FBXL13: variants seen among roughly 807,000 people sequenced by gnomAD.
The protein encoded by FBXL13 is F-box and leucine-rich repeat protein 13.
In FBXL13, 67 loss-of-function variants were observed where a neutral mutation model predicts 83.6. The ratio of observed to expected loss-of-function variants is 0.80; its 90% confidence interval spans 0.66 to 0.98. The LOEUF is 0.98. Among genes scored for constraint, FBXL13 ranks in the 50% least tolerant of loss-of-function variants. FBXL13 has a pLI of 0.00. For synonymous variants in FBXL13, 272 were observed against 299.5 expected, an observed-to-expected ratio of 0.91 and a Z score of 0.95; for missense variants, 822 against 866.5, an observed-to-expected ratio of 0.95 and a Z score of 0.64.
intron 1 of FBXL13, among the ~76,000 whole-genome samples, chr7:103,063,855 T>C (rs1165651804): frequency 1.3e-5 from 2 of 151,818 alleles, no homozygotes; most frequent in East Asian, 1.9e-4. Flanking sequence ...ATGTGGGGCC[T>C]AGGAAGGTCT....
At chr7:102,952,388 C>G (rs1266620677) in intron 8 of FBXL13, among the ~76,000 whole-genome samples, 3 of 151,942 alleles carry the variant, frequency 2.0e-5, no homozygotes, top group African/African-American at 7.3e-5. Context: ...AAAAAAGAAC[C>G]AAATGGTTGT....
chr7:102,917,255 A>G (rs957298657), intron 10 of FBXL13, among the ~76,000 whole-genome samples: 2 of 152,232 alleles, frequency 1.3e-5, no homozygotes, highest in African/African-American at 4.8e-5. Context: ...TGGTGAGACT[A>G]TAGATCATGA....
At chr7:102,916,888 A>T (rs1216886971) in intron 10 of FBXL13, among the ~76,000 whole-genome samples, 2 of 152,254 alleles carry the variant, frequency 1.3e-5, no homozygotes, top group African/African-American at 4.8e-5. Flanking sequence ...AGAAACTACA[A>T]AGATTTTTTT....
chr7:102,917,082 T>C (rs564550245), intron 10 of FBXL13, among the ~76,000 whole-genome samples: 1 of 152,202 alleles, frequency 6.6e-6, no homozygotes, highest in Non-Finnish European at 1.5e-5. Context: ...GTGGATTCTT[T>C]TGAGTTGAGT....
chr7:102,844,760 A>G (rs1803632453), intron 17 of FBXL13, among the ~76,000 whole-genome samples: 1 of 152,138 alleles, frequency 6.6e-6, no homozygotes, highest in African/African-American at 2.4e-5. Flanking sequence ...TAAGAGCCCA[A>G]TCCCAGTAGA....
At chr7:103,066,948 C>T (rs999927685) in intron 1 of FBXL13, among the ~76,000 whole-genome samples, 4 of 152,068 alleles carry the variant, frequency 2.6e-5, no homozygotes, top group African/African-American at 4.8e-5. Context: ...TGCGCCACCA[C>T]GCCCAGCTAA....
At chr7:103,046,793 T>C (rs1796327711) in intron 2 of FBXL13, 1 of 152,208 alleles carries the variant, frequency 6.6e-6, no homozygotes, top group South Asian at 2.1e-4. Context: ...GGAGAAACTT[T>C]CCTGGTTAGT....
At chr7:102,937,446 G>T (rs1225479143) in intron 8 of FBXL13, among the ~76,000 whole-genome samples, 1 of 144,866 alleles carries the variant, frequency 6.9e-6, no homozygotes, top group Non-Finnish European at 1.5e-5. Flanking sequence ...GGCAGAGGTT[G>T]CAGTGAGCTG....
At chr7:103,070,387 C>T (rs908518865) in intron 1 of FBXL13, among the ~76,000 whole-genome samples, 6 of 151,994 alleles carry the variant, frequency 3.9e-5, no homozygotes, top group Non-Finnish European at 7.4e-5. Context: ...GTGCACCACA[C>T]CTGGCAAATT....
rs921672123 is a variant in FBXL13, at chr7:103,045,063, C to G, written c.-1+10581G>C. On this transcript the variant is annotated intron_variant, in intron 2 of 19. Transcript: ENST00000313221. ...GCAGCCCCCAGAATCACAGCAGATT[C>G]AGAGAGACTCCAGTGCAGCCACATG... is the stretch of plus-strand genomic sequence containing the variant. Among the ~76,000 whole-genome samples the G allele has an allele frequency of 2.0e-5, 3 of 152,196 alleles. No homozygotes were observed. The East Asian group carries it at 5.8e-4, about 29-fold the overall frequency.
intron 6 of FBXL13, among the ~76,000 whole-genome samples, chr7:102,996,620 A>G (rs1288160502): frequency 6.6e-6 from 1 of 152,200 alleles, no homozygotes; most frequent in Non-Finnish European, 1.5e-5. Flanking sequence ...GCCTTGTGAC[A>G]AAGTTCTAAC....
intron 1 of FBXL13, among the ~76,000 whole-genome samples, chr7:103,065,040 G>T (rs1798261070): frequency 6.6e-6 from 1 of 152,152 alleles, no homozygotes; most frequent in South Asian, 2.1e-4. Flanking sequence ...TCCTGTTGTT[G>T]TAAGCCACCA....
intron 10 of FBXL13, among the ~76,000 whole-genome samples, chr7:102,915,951 A>C (rs569792969): frequency 5.7e-4 from 86 of 152,174 alleles, no homozygotes; most frequent in African/African-American, 2.0e-3. Flanking sequence ...CTACATTTCA[A>C]TTACAGTTAA....
intron 1 of FBXL13, among the ~76,000 whole-genome samples, chr7:103,060,029 T>C (rs188603042): frequency 8.4e-5 from 7 of 82,982 alleles, no homozygotes; most frequent in Admixed American, 7.0e-4. Flanking sequence ...TTTATATATA[T>C]ATATATATAT....
intron 6 of FBXL13, among the ~76,000 whole-genome samples, chr7:103,021,177 C>T (rs1467134761): frequency 1.3e-4 from 19 of 151,988 alleles, no homozygotes; most frequent in East Asian, 1.2e-3. Flanking sequence ...GAAATAATGC[C>T]GCATATCTAC....
intron 18 of FBXL13, among the ~76,000 whole-genome samples, chr7:102,830,389 C>CTG (rs2129447124): frequency 6.6e-6 from 1 of 152,288 alleles, no homozygotes; most frequent in East Asian, 1.9e-4. Flanking sequence ...GCCCATATGT[C>CTG]TGTGTGCTAT....
At chr7:102,939,887 T>C (rs929173541) in intron 8 of FBXL13, among the ~76,000 whole-genome samples, 13 of 151,832 alleles carry the variant, frequency 8.6e-5, no homozygotes, top group African/African-American at 2.9e-4. Flanking sequence ...TATACTAAAA[T>C]GTAGTGGTTT....
chr7:102,878,456 GGAAA>G lies in FBXL13; in HGVS notation c.1389-10_1389-7del. On this transcript the variant is annotated splice_polypyrimidine_tract_variant and splice_region_variant and intron_variant, in intron 14 of 19. Transcript: ENST00000313221. ...TTAGTCCCATATCACCAATTCTGTA[GGAAA>G]GAGAGAAAAATTTTACATGTGATTC... The G allele has an allele frequency of 6.4e-7, 1 of 1,560,690 alleles. No individual in the cohort carries two copies. Among genetic ancestry groups the G allele is most frequent in the Non-Finnish European group, 8.6e-7 (1 of 1,159,538 alleles).
rs117387623 is a variant in FBXL13, at chr7:102,855,635, C to A, written c.1636-775G>T. Among the ~76,000 whole-genome samples the A allele has an allele frequency of 9.8e-3, 1,485 of 151,892 alleles. 10 individuals are homozygous for A. The highest frequency in any genetic ancestry group is 0.017 in the Non-Finnish European group (1,170 of 67,924). ...TAGGTGGACAAGAGCAGGGTTGTTCCCCCCACCACCCCCCAACCCACCCCT... is the reference window on the plus strand; with the variant it reads ...TAGGTGGACAAGAGCAGGGTTGTTCACCCCACCACCCCCCAACCCACCCCT... On this transcript the variant is annotated intron_variant, in intron 16 of 19. Coordinates refer to ENST00000313221, the Ensembl canonical transcript of FBXL13.
Sources: allele counts gnomAD v4.1 joint callset (sites outside exome capture counted in the v4.1 genomes callset), GRCh38; gene constraint gnomAD v4.1.1; transcripts MANE v1.5; gene names NCBI Gene and HGNC (gene_info 2026-07-23, HGNC 2026-07-21).